The following CCSER1 variants were observed in gnomAD, a reference collection of about 807,000 sequenced individuals.
The protein encoded by CCSER1 is coiled-coil serine rich protein 1.
In CCSER1, 41 loss-of-function variants were observed where a neutral mutation model predicts 82.0. The observed-to-expected ratio is 0.50, with a 90% confidence interval of 0.39 to 0.65. CCSER1 has a LOEUF of 0.65. Among genes scored for constraint, CCSER1 ranks in the 30% least tolerant of loss-of-function variants. The pLI is 0.00. For synonymous variants in CCSER1, 414 were observed against 383.9 expected (o/e 1.08, Z -0.92); for missense variants, 1,119 against 1,064.2 (o/e 1.05, Z -0.72).
chr4:91,356,037 T>G (rs1323867634), intron 10 of CCSER1, among the ~76,000 whole-genome samples: 5 of 152,234 alleles, frequency 3.3e-5, no homozygotes, highest in African/African-American at 4.8e-5. Context: ...CACCACAGCA[T>G]GGGGACACTT....
At chr4:91,260,947 T>C (rs1012232713) in intron 10 of CCSER1, among the ~76,000 whole-genome samples, 2 of 152,162 alleles carry the variant, frequency 1.3e-5, no homozygotes, top group African/African-American at 2.4e-5. Flanking sequence ...GTATTTTTAG[T>C]AGAGACAGGG....
chr4:91,378,055 G>A (rs948972732), intron 10 of CCSER1, among the ~76,000 whole-genome samples: 99 of 152,228 alleles, frequency 6.5e-4, no homozygotes, highest in African/African-American at 2.3e-3. Context: ...AGATCAGATG[G>A]TTGTAGATGT....
intron 6 of CCSER1, among the ~76,000 whole-genome samples, chr4:90,647,278 T>G (rs1347949059): frequency 4.6e-5 from 7 of 152,196 alleles, no homozygotes; most frequent in Admixed American, 4.6e-4. Flanking sequence ...GTGGTATTGT[T>G]CCTTTATAAT....
chr4:90,635,287 ATCG>A (rs986299916), intron 6 of CCSER1, among the ~76,000 whole-genome samples: 5 of 151,830 alleles, frequency 3.3e-5, no homozygotes, highest in African/African-American at 1.2e-4. Context: ...CGAGTGGAAC[ATCG>A]TCAAGACACA....
chr4:90,405,919 A>G (rs1753642552), intron 4 of CCSER1, among the ~76,000 whole-genome samples: 1 of 152,158 alleles, frequency 6.6e-6, no homozygotes, highest in Non-Finnish European at 1.5e-5. Context: ...CTTAAAGCAT[A>G]AATCTCACTG....
chr4:90,391,251 C>T (rs867821289), intron 3 of CCSER1, among the ~76,000 whole-genome samples: 69 of 117,644 alleles, frequency 5.9e-4, no homozygotes, highest in African/African-American at 2.0e-3. Flanking sequence ...CCAGCCTGGG[C>T]GACAGAGCAA....
intron 10 of CCSER1, among the ~76,000 whole-genome samples, chr4:91,358,133 G>T (rs555658287): frequency 2.1e-4 from 32 of 151,678 alleles, no homozygotes; most frequent in Admixed American, 1.4e-3. Context: ...TCTCTCTGCT[G>T]GTCTTTCCTT....
In CCSER1 at chr4:90,270,642, T is replaced by C. The variant is rs1726085376; in HGVS notation, c.-41-37602T>C. On this transcript the variant is annotated intron_variant, in intron 1 of 10. Coordinates refer to ENST00000509176, the MANE Select transcript of CCSER1 (RefSeq NM_001145065.2). ...TCAAAATAGTACTGGAAGTTCTAGA[T>C]AGAGGAATCAGACTACTGTCTGATT... 1.3e-5 allele frequency among the ~76,000 whole-genome samples: 2 copies of C among 152,142 alleles called. 1 individual carries two copies. Among genetic ancestry groups the C allele is most frequent in the South Asian group, 4.1e-4 (2 of 4,828 alleles).
intron 10 of CCSER1, among the ~76,000 whole-genome samples, chr4:91,329,591 G>A (rs1410815466): frequency 6.6e-6 from 1 of 151,986 alleles, no homozygotes; most frequent in Non-Finnish European, 1.5e-5. Context: ...AGATCAAGGT[G>A]CCACCAGTGT....
intron 10 of CCSER1, among the ~76,000 whole-genome samples, chr4:91,105,378 C>T (rs1725503917): frequency 6.8e-6 from 1 of 148,054 alleles, no homozygotes; most frequent in Non-Finnish European, 1.5e-5. Flanking sequence ...AACTTGATCA[C>T]ATTCAAATTC....
chr4:91,390,008 A>G (rs928706367), intron 10 of CCSER1, among the ~76,000 whole-genome samples: 2 of 152,118 alleles, frequency 1.3e-5, no homozygotes, highest in South Asian at 4.1e-4. Context: ...GTATCTTCAT[A>G]TATCTGTGAC....
intron 7 of CCSER1, chr4:90,781,801 T>G: frequency 1.0e-6 from 1 of 960,042 alleles, no homozygotes; most frequent in Non-Finnish European, 1.2e-6. Flanking sequence ...TTTTGATAAC[T>G]TTTATGTTTG....
In CCSER1 at chr4:91,599,046, C is replaced by T. The variant is rs987938433; in HGVS notation, c.2692C>T (p.Gln898Ter). The T allele has an allele frequency of 6.5e-6, 10 of 1,536,928 alleles. No individual in the cohort carries two copies. The highest frequency in any genetic ancestry group is 8.8e-6 in the Non-Finnish European group (10 of 1,137,024). Reference sequence around the variant, plus strand: ...CACTGAGCTGCAAACTCTAGGCCAGCAGGATGGGTAATTAAATCACCGTAT... The same window carrying T: ...CACTGAGCTGCAAACTCTAGGCCAGTAGGATGGGTAATTAAATCACCGTAT... ...HSTELQTLGQQDG is the reference protein window; with the variant it reads ...HSTELQTLGQ The change falls in exon 11 of 11, where the codon CAG becomes TAG. Residue 898 changes from glutamine to a stop codon, truncating the protein, a stop_gained. Transcript: ENST00000509176. LOFTEE classifies it high-confidence loss of function.
chr4:91,392,367 A>G (rs1751713407), intron 10 of CCSER1, among the ~76,000 whole-genome samples: 1 of 151,208 alleles, frequency 6.6e-6, no homozygotes, highest in African/African-American at 2.4e-5. Flanking sequence ...ACACATGCAC[A>G]CACACACACA....
At chr4:91,301,068 G>A (rs993819783) in intron 10 of CCSER1, among the ~76,000 whole-genome samples, 1 of 151,888 alleles carries the variant, frequency 6.6e-6, no homozygotes, top group Admixed American at 6.6e-5. Flanking sequence ...ATGGCTTTGC[G>A]TGGCATTTGT....
At chr4:90,208,560 A>C (rs1739361396) in intron 1 of CCSER1, among the ~76,000 whole-genome samples, 1 of 148,974 alleles carries the variant, frequency 6.7e-6, no homozygotes, top group Admixed American at 6.7e-5. Flanking sequence ...ATGAAAAAAA[A>C]CTCCTGCAGC....
chr4:91,261,824 C>A (rs2149166625), intron 10 of CCSER1, among the ~76,000 whole-genome samples: 2 of 152,230 alleles, frequency 1.3e-5, no homozygotes, highest in South Asian at 4.1e-4. Flanking sequence ...TATTAAGCAG[C>A]AAATATACTA....
intron 8 of CCSER1, among the ~76,000 whole-genome samples, chr4:90,888,019 C>T (rs1722409345): frequency 1.3e-5 from 2 of 151,936 alleles, no homozygotes; most frequent in Admixed American, 1.3e-4. Flanking sequence ...TTGTAAAAAG[C>T]CCATGTAAAA....
intron 10 of CCSER1, among the ~76,000 whole-genome samples, chr4:91,189,702 C>G (rs886613339): frequency 6.6e-6 from 1 of 151,504 alleles, no homozygotes; most frequent in Non-Finnish European, 1.5e-5. Flanking sequence ...TTGTTTCTTC[C>G]CAAAGGATTA....
Sources: allele counts gnomAD v4.1 joint callset (sites outside exome capture counted in the v4.1 genomes callset), GRCh38; gene constraint gnomAD v4.1.1; transcripts MANE v1.5; gene names NCBI Gene and HGNC (gene_info 2026-07-23, HGNC 2026-07-21).